ZFAT: variants seen among roughly 807,000 people sequenced by gnomAD.
The protein encoded by ZFAT is zinc finger and AT-hook domain containing, also known as zinc finger protein ZFAT.
Under a neutral mutation model 117.7 loss-of-function variants are expected in ZFAT, and 64 were observed. That is an observed-to-expected ratio of 0.54 (90% CI 0.44 to 0.67). The LOEUF is 0.67. Ranked by LOEUF, ZFAT falls within the 30% of genes least tolerant of loss-of-function variation. The pLI is 0.00. For missense variants in ZFAT, 1,433 were observed against 1,584.5 expected (o/e 0.90, Z 1.62); for synonymous variants, 679 against 615.0 (o/e 1.10, Z -1.54).
Position 134,657,786 on chromosome 8 carries a change from A to G in ZFAT, c.20-49T>C, listed in dbSNP as rs750753137. 9 of 1,575,574 alleles carry G rather than the reference A, an allele frequency of 5.7e-6. No individual in the cohort carries two copies. The Admixed American group carries it at 1.4e-4, about 24-fold the overall frequency. ...ATGTTATTTCATCTCCACATAAACA[A>G]TTATTACTTCCAATTGCCAAAGACA... On this transcript the variant is annotated intron_variant, in intron 1 of 15. Coordinates refer to ENST00000377838, the MANE Select transcript of ZFAT (RefSeq NM_020863.4).
intron 3 of ZFAT, among the ~76,000 whole-genome samples, chr8:134,629,996 T>TCCCTGAGGACCTGCAACA (rs1206458625): frequency 2.4e-4 from 36 of 151,830 alleles, no homozygotes; most frequent in Admixed American, 2.4e-3. Context: ...GTAAGCAGAG[T>TCCCTGAGGACCTGCAACA]CCCTGAGGAC....
intron 1 of ZFAT, among the ~76,000 whole-genome samples, chr8:134,687,592 G>A (rs1465614850): frequency 6.6e-6 from 1 of 152,108 alleles, no homozygotes; most frequent in Non-Finnish European, 1.5e-5. Context: ...GAGCAGATGT[G>A]TGGGAAGCGC....
chr8:134,813,500 G>A, the ZFAT span, among the ~76,000 whole-genome samples: 5 of 152,160 alleles, frequency 3.3e-5, no homozygotes, highest in Non-Finnish European at 5.9e-5. Context: ...TGCAACCTCC[G>A]CTTCCCCGTT....
chr8:134,814,037 G>A, the ZFAT span, among the ~76,000 whole-genome samples: 7 of 151,970 alleles, frequency 4.6e-5, no homozygotes, highest in Non-Finnish European at 7.4e-5. Context: ...TAAAACACAC[G>A]TGCCCAAAGG....
chr8:134,497,872 C>T (rs1457865922), intron 15 of ZFAT, among the ~76,000 whole-genome samples: 62 of 127,758 alleles, frequency 4.9e-4, no homozygotes, highest in African/African-American at 1.3e-3. Flanking sequence ...GATGCCCCAG[C>T]TGCTGGTTAC....
rs551343572 is a variant in ZFAT, at chr8:134,538,242, C to T, written c.2977-5270G>A. Among the ~76,000 whole-genome samples the T allele has an allele frequency of 1.2e-4, 19 of 152,186 alleles. No individual in the cohort carries two copies. In the South Asian group the frequency reaches 3.7e-3, roughly 30 times the overall value. On this transcript the variant is annotated intron_variant, in intron 11 of 15. Coordinates refer to ENST00000377838, the MANE Select transcript of ZFAT (RefSeq NM_020863.4). Reference sequence around the variant, plus strand: ...TGGGGATCAGGGGAGTCTGGAATCACGGGATCTGAGGAATAAGGTCCTCCA... The same window carrying T: ...TGGGGATCAGGGGAGTCTGGAATCATGGGATCTGAGGAATAAGGTCCTCCA...
the ZFAT span, among the ~76,000 whole-genome samples, chr8:134,742,156 A>T: frequency 8.5e-6 from 1 of 118,196 alleles, no homozygotes; most frequent in South Asian, 2.9e-4. Context: ...GCTGTGTCAG[A>T]TCATTTCTTT....
intron 2 of ZFAT, among the ~76,000 whole-genome samples, chr8:134,652,104 T>C (rs1297246595): frequency 6.6e-6 from 1 of 152,140 alleles, no homozygotes; most frequent in Non-Finnish European, 1.5e-5. Flanking sequence ...GATCACGTGA[T>C]GTCAGGAGTT....
At chr8:134,780,121 C>A in the ZFAT span, among the ~76,000 whole-genome samples, 1 of 152,310 alleles carries the variant, frequency 6.6e-6, no homozygotes, top group Non-Finnish European at 1.5e-5. Context: ...ACATTACAGG[C>A]TTTACCCAGA....
chr8:134,674,440 T>C (rs1161904218), intron 1 of ZFAT, among the ~76,000 whole-genome samples: 2 of 152,200 alleles, frequency 1.3e-5, no homozygotes, highest in Admixed American at 6.5e-5. Flanking sequence ...TGCTGAGGCC[T>C]GAGTAGGCGG....
chr8:134,739,852 T>G, the ZFAT span, among the ~76,000 whole-genome samples: 1 of 152,354 alleles, frequency 6.6e-6, no homozygotes, highest in Admixed American at 6.5e-5. Context: ...GGGCTTTCTC[T>G]GGCCACTGGA....
chr8:134,824,151 G>A, the ZFAT span, among the ~76,000 whole-genome samples: 1 of 152,216 alleles, frequency 6.6e-6, no homozygotes, highest in Non-Finnish European at 1.5e-5. Flanking sequence ...GGTTCCAAGG[G>A]AATTGAGTGC....
rs1439286570 is a variant in ZFAT, at chr8:134,648,746, C to T, written c.196+8815G>A. Among the ~76,000 whole-genome samples the T allele has an allele frequency of 2.6e-5, 4 of 151,806 alleles. No homozygotes were observed. The East Asian group carries it at 7.7e-4, about 29-fold the overall frequency. ...TAACACCAATACTTAAAAATTTTTC[C>T]AAAAAATAGAAGAGGAGGGAACACT... On this transcript the variant is annotated intron_variant, in intron 2 of 15. Coordinates refer to ENST00000377838, the MANE Select transcript of ZFAT (RefSeq NM_020863.4).
At chr8:134,638,646 G>A (rs148658159) in intron 2 of ZFAT, among the ~76,000 whole-genome samples, 4,001 of 151,096 alleles carry the variant, frequency 0.026, 220 homozygotes, top group African/African-American at 0.092. Flanking sequence ...GGAGAATGGC[G>A]TGAACTGGGA....
At chr8:134,736,965 C>CTAA in the ZFAT span, among the ~76,000 whole-genome samples, 1 of 152,106 alleles carries the variant, frequency 6.6e-6, no homozygotes, top group African/African-American at 2.4e-5. Flanking sequence ...TGCTGTTAGA[C>CTAA]CAACTTTTGT....
chr8:134,665,520 G>C (rs1229335270), intron 1 of ZFAT, among the ~76,000 whole-genome samples: 1 of 152,182 alleles, frequency 6.6e-6, no homozygotes, highest in African/African-American at 2.4e-5. Context: ...AACAAGACAG[G>C]GTTCAGGCTT....
At chr8:134,652,287 A>G (rs1436735718) in intron 2 of ZFAT, among the ~76,000 whole-genome samples, 8 of 152,248 alleles carry the variant, frequency 5.3e-5, no homozygotes, top group Non-Finnish European at 1.0e-4. Flanking sequence ...TAATAAAGGC[A>G]ATAATTAGGA....
chr8:134,691,542 G>A (rs954672614), intron 1 of ZFAT, among the ~76,000 whole-genome samples: 8 of 152,258 alleles, frequency 5.3e-5, no homozygotes, highest in Non-Finnish European at 8.8e-5. Flanking sequence ...TGAGGAGGAC[G>A]GGTAAGCAAG....
Position 134,478,215 on chromosome 8 carries a change from G to A in ZFAT, c.*267C>T. ...GTGAAGGTGTGGGGTGTGTGTAGGGGAGCTGACACTGAAGTCTTTCAGGAA... is the reference window on the plus strand; with the variant it reads ...GTGAAGGTGTGGGGTGTGTGTAGGGAAGCTGACACTGAAGTCTTTCAGGAA... On this transcript the variant is annotated 3_prime_UTR_variant, in exon 16 of 16. Coordinates refer to ENST00000377838, the MANE Select transcript of ZFAT (RefSeq NM_020863.4). The surrounding 1 kb of genome is among the most constrained non-coding windows in gnomAD (Gnocchi z 5.2). 1.9e-6 allele frequency: 1 copy of A among 522,592 alleles called. No homozygotes were observed. The highest frequency in any genetic ancestry group is 3.5e-6 in the Non-Finnish European group (1 of 289,010). The allele number at this position is 522,592 out of a possible 1,614,324, so 32.4% of individuals were successfully genotyped here.
Sources: allele counts gnomAD v4.1 joint callset (sites outside exome capture counted in the v4.1 genomes callset), GRCh38; gene constraint gnomAD v4.1.1; non-coding constraint Gnocchi (gnomAD v3.1); transcripts MANE v1.5; gene names NCBI Gene and HGNC (gene_info 2026-07-23, HGNC 2026-07-21).